The following ME3 variants were observed in gnomAD, a reference collection of about 807,000 sequenced individuals.
ME3 encodes the protein malic enzyme 3.
In ME3, 48 loss-of-function variants were observed where a neutral mutation model predicts 68.9. The ratio of observed to expected loss-of-function variants is 0.70; its 90% confidence interval spans 0.55 to 0.89. The LOEUF (loss-of-function observed/expected upper bound fraction) is 0.89. Among genes scored for constraint, ME3 ranks in the 40% least tolerant of loss-of-function variants. The pLI, the probability that ME3 is intolerant of heterozygous loss-of-function variation, is 0.00. For missense variants in ME3, 675 were observed against 797.4 expected (o/e 0.85, Z 1.85); for synonymous variants, 320 against 318.8 (o/e 1.00, Z -0.04).
chr11:86,450,293 C>T lies in ME3; in HGVS notation c.1017+8G>A. The T allele has an allele frequency of 6.2e-7, 1 of 1,613,642 alleles. No individual in the cohort carries two copies. Among genetic ancestry groups the T allele is most frequent in the Non-Finnish European group, 8.5e-7 (1 of 1,179,590 alleles). The stretch of plus-strand genomic sequence containing the variant: ...GGAGCAACCAAAGAAACCCTCAATG[C>T]CACATACCTCGCCTGCACCTTGGAA... On this transcript the variant is annotated splice_region_variant and intron_variant, in intron 9 of 14. Coordinates refer to ENST00000543262, the Ensembl canonical transcript of ME3.
In ME3 at chr11:86,521,438, A is replaced by C. The variant is rs1423070733; in HGVS notation, c.468-12571T>G. Among the ~76,000 whole-genome samples, 2 of 142,752 alleles carry C rather than the reference A, an allele frequency of 1.4e-5. 1 individual carries two copies. The highest frequency in any genetic ancestry group is 5.2e-5 in the African/African-American group (2 of 38,326). The allele number at this position is 142,752 out of a possible 152,430, so 93.7% of individuals were successfully genotyped here. A position where few individuals can be genotyped will look rare whatever the true frequency, so the allele number is the denominator to read the frequency against. On this transcript the variant is annotated intron_variant, in intron 4 of 14. Transcript: ENST00000543262. ...CAAAACAAAACAAAACAAAAATAAT[A>C]ATAATAATAATAATAAAAAAATGGA...
intron 4 of ME3, among the ~76,000 whole-genome samples, chr11:86,522,893 G>A (rs1405198271): frequency 6.6e-6 from 1 of 152,156 alleles, no homozygotes; most frequent in African/African-American, 2.4e-5. Flanking sequence ...TGTAGGATAT[G>A]TATGTTATAT....
At chr11:86,440,226 G>A (rs1186902283), downstream of ME3, among the ~76,000 whole-genome samples, 2 of 152,202 alleles carry the variant, frequency 1.3e-5, no homozygotes, top group Non-Finnish European at 2.9e-5. Flanking sequence ...GAGGCAGGAA[G>A]CTGCCATCTC....
rs1024740219 is a variant in ME3, at chr11:86,622,119, G to C, written c.183+49643C>G. Among the ~76,000 whole-genome samples, 5 of 151,992 alleles carry C rather than the reference G, an allele frequency of 3.3e-5. No individual in the cohort carries two copies. The East Asian group carries it at 5.8e-4, about 18-fold the overall frequency. ...TGAGAATGTAGGTGGTGCAGGACTT[G>C]TGGAAGAATATGTGTGGAAGGATGC... is the stretch of plus-strand genomic sequence containing the variant. On this transcript the variant is annotated intron_variant, in intron 2 of 14. Transcript: ENST00000543262.
chr11:86,521,200 T>C (rs907684172), intron 4 of ME3, among the ~76,000 whole-genome samples: 16 of 152,126 alleles, frequency 1.1e-4, no homozygotes, highest in Non-Finnish European at 1.5e-4. Context: ...GAGACCATCC[T>C]GGCTAACACG....
At chr11:86,562,043 C>G (rs1957262465) in intron 2 of ME3, among the ~76,000 whole-genome samples, 1 of 152,172 alleles carries the variant, frequency 6.6e-6, no homozygotes, top group African/African-American at 2.4e-5. Context: ...TTTCACTGCA[C>G]TAAAAATTCC....
At chr11:86,646,879 G>C (rs567405188) in intron 2 of ME3, among the ~76,000 whole-genome samples, 3 of 152,320 alleles carry the variant, frequency 2.0e-5, no homozygotes, top group Non-Finnish European at 4.4e-5. Flanking sequence ...CAAGCCAAAA[G>C]AGAGTGAAGG....
chr11:86,561,344 G>T (rs1007186790), intron 2 of ME3, among the ~76,000 whole-genome samples: 1 of 152,106 alleles, frequency 6.6e-6, no homozygotes, highest in African/African-American at 2.4e-5. Context: ...CTTTTTCAGA[G>T]CATGGTATTA....
At chr11:86,648,231 C>T (rs1945161555) in intron 2 of ME3, among the ~76,000 whole-genome samples, 1 of 152,126 alleles carries the variant, frequency 6.6e-6, no homozygotes, top group South Asian at 2.1e-4. Flanking sequence ...ATATAACATA[C>T]CAGAATCTCT....
chr11:86,552,394 T>G (rs745977967), intron 4 of ME3, among the ~76,000 whole-genome samples: 23 of 152,166 alleles, frequency 1.5e-4, no homozygotes, highest in Non-Finnish European at 3.1e-4. Context: ...GATCAGACAT[T>G]GGGCTTCCCT....
At chr11:86,587,875 C>A (rs948091224) in intron 2 of ME3, among the ~76,000 whole-genome samples, 2 of 152,210 alleles carry the variant, frequency 1.3e-5, no homozygotes, top group Non-Finnish European at 2.9e-5. Flanking sequence ...TGAGTGCCTT[C>A]TGGCTCAAAT....
intron 7 of ME3, among the ~76,000 whole-genome samples, chr11:86,479,524 C>G (rs1008593155): frequency 1.3e-5 from 2 of 152,198 alleles, no homozygotes. Flanking sequence ...TGTAGATACT[C>G]ATTGCCTTCC....
At chr11:86,465,258 G>T in intron 7 of ME3, 58 bp from the exon 8 acceptor site, 2 of 1,294,406 alleles carry the variant, frequency 1.5e-6, no homozygotes, top group Non-Finnish European at 2.2e-6. Context: ...ATCCCTGACA[G>T]ATCCCAGCTT....
At chr11:86,458,422 G>T (rs1259632055) in intron 8 of ME3, among the ~76,000 whole-genome samples, 1 of 152,204 alleles carries the variant, frequency 6.6e-6, no homozygotes, top group Non-Finnish European at 1.5e-5. Context: ...CAATGGAGAA[G>T]ATAGGGTTAG....
chr11:86,442,821 T>C, exon 14 of ME3: 1 of 1,608,714 alleles, frequency 6.2e-7, no homozygotes, highest in Non-Finnish European at 8.5e-7. Context: ...TGCCCCTTAC[T>C]TTGATGGCAA....
intron 4 of ME3, among the ~76,000 whole-genome samples, chr11:86,535,329 G>A (rs1182515432): frequency 6.6e-5 from 10 of 152,124 alleles, no homozygotes; most frequent in Non-Finnish European, 1.3e-4. Context: ...TTGGCTGCAC[G>A]TGGGAAGCAC....
intron 2 of ME3, among the ~76,000 whole-genome samples, chr11:86,635,735 A>C (rs1944294275): frequency 6.6e-6 from 1 of 152,212 alleles, no homozygotes; most frequent in African/African-American, 2.4e-5. Context: ...GTGAGGAAAT[A>C]ACTTTTTTTC....
At chr11:86,575,092 T>C (rs1274572826) in intron 2 of ME3, among the ~76,000 whole-genome samples, 1 of 147,076 alleles carries the variant, frequency 6.8e-6, no homozygotes, top group East Asian at 1.9e-4. Context: ...AAAAAAGGCA[T>C]CACTCTCTGC....
At chr11:86,446,235 T>C in intron 13 of ME3, 79 bp downstream of exon 13, 8 of 1,510,526 alleles carry the variant, frequency 5.3e-6, no homozygotes, top group South Asian at 4.8e-5. Context: ...GCAGAAGAGA[T>C]AAGAGAGATC....
Sources: gnomAD v4.1 joint callset for allele counts (sites outside exome capture counted in the v4.1 genomes callset) on GRCh38, gnomAD v4.1.1 for gene constraint, MANE v1.5 for transcripts, NCBI Gene and HGNC (gene_info 2026-07-23, HGNC 2026-07-21) for gene names.